OAS2: variants seen among roughly 807,000 people sequenced by gnomAD.
The protein encoded by OAS2 is 2'-5'-oligoadenylate synthase 2.
Under a neutral mutation model 71.3 loss-of-function variants are expected in OAS2, and 67 were observed. The observed-to-expected ratio is 0.94, with a 90% CI of 0.77 to 1.15. The LOEUF (loss-of-function observed/expected upper bound fraction) is 1.15, where lower values mean the gene tolerates loss of function less well. Ranked by LOEUF, OAS2 falls within the 50% of genes most tolerant of loss-of-function variation. The pLI, the probability that OAS2 is intolerant of heterozygous loss-of-function variation, is 0.00. For missense variants in OAS2, 789 were observed against 822.5 expected, an observed-to-expected ratio of 0.96 and a Z score of 0.50; for synonymous variants, 327 against 321.8, an observed-to-expected ratio of 1.02 and a Z score of -0.17.
chr12:113,008,345 C>T (rs988278114), intron 9 of OAS2, among the ~76,000 whole-genome samples: 1 of 151,198 alleles, frequency 6.6e-6, no homozygotes, highest in East Asian at 1.9e-4. Flanking sequence ...CAGCAAGGGA[C>T]AAAAACAATG....
Position 112,978,796 on chromosome 12 carries a change from G to A in OAS2, c.177+11G>A. On this transcript the variant is annotated intron_variant, in intron 1 of 9. Transcript: ENST00000392583. The surrounding 1 kb of genome is among the most constrained non-coding windows in gnomAD (Gnocchi z 4.2). ...CAGGGAGTGGCCATAGTGAGTCCAG[G>A]GCTGAGGTTGGGTCTCTGGGAGGCA... is the stretch of plus-strand genomic sequence containing the variant. 1.3e-6 allele frequency: 2 copies of A among 1,598,156 alleles called. No homozygotes were observed. The highest frequency in any genetic ancestry group is 1.7e-6 in the Non-Finnish European group (2 of 1,169,930).
chr12:112,986,794 C>T (rs1244927888), intron 1 of OAS2, among the ~76,000 whole-genome samples: 1 of 152,176 alleles, frequency 6.6e-6, no homozygotes, highest in Non-Finnish European at 1.5e-5. Context: ...GTGCTGGTGG[C>T]AGGTGGGGCA....
chr12:112,993,966 G>C (rs958677249), intron 2 of OAS2, among the ~76,000 whole-genome samples: 8 of 151,734 alleles, frequency 5.3e-5, no homozygotes, highest in Non-Finnish European at 1.2e-4. Context: ...TTTTTGTGGG[G>C]GGGGGAGGGT....
intron 1 of OAS2, among the ~76,000 whole-genome samples, chr12:112,979,999 C>A (rs897836345): frequency 6.6e-6 from 1 of 152,122 alleles, no homozygotes; most frequent in Non-Finnish European, 1.5e-5. Flanking sequence ...TGCTTTAGTG[C>A]GTGGTTTCTC....
intron 3 of OAS2, among the ~76,000 whole-genome samples, chr12:112,996,537 G>A (rs761623214): frequency 1.7e-4 from 26 of 152,000 alleles, no homozygotes; most frequent in African/African-American, 5.1e-4. Context: ...CCCACCCAGC[G>A]CAGCAAAGCC....
intron 9 of OAS2, among the ~76,000 whole-genome samples, chr12:113,008,178 C>T (rs2044351126): frequency 6.6e-6 from 1 of 152,194 alleles, no homozygotes; most frequent in Non-Finnish European, 1.5e-5. Context: ...GAGCTGCTTT[C>T]ATCTAAGAGG....
intron 3 of OAS2, among the ~76,000 whole-genome samples, 176 bp downstream of exon 3, chr12:112,995,650 G>T (rs528483499): frequency 6.6e-6 from 1 of 152,244 alleles, no homozygotes; most frequent in South Asian, 2.1e-4. Flanking sequence ...GGTGCCTCAA[G>T]CCCATTGTCC....
intron 1 of OAS2, among the ~76,000 whole-genome samples, chr12:112,979,619 T>A (rs2044061126): frequency 6.6e-6 from 1 of 152,036 alleles, no homozygotes. Context: ...GCCTCTCAAT[T>A]TTTTTTTCCT....
At chr12:112,986,707 C>T (rs937313019) in intron 1 of OAS2, among the ~76,000 whole-genome samples, 1 of 151,960 alleles carries the variant, frequency 6.6e-6, no homozygotes, top group Admixed American at 6.6e-5. Flanking sequence ...ACCCCCATTC[C>T]CCCAGATGCG....
At chr12:112,998,601 G>C (rs1009274200) in intron 5 of OAS2, among the ~76,000 whole-genome samples, 191 bp downstream of exon 5, 1 of 152,178 alleles carries the variant, frequency 6.6e-6, no homozygotes, top group Admixed American at 6.5e-5. Context: ...TTCAAAATCA[G>C]GGTGTTGGCA....
In OAS2 at chr12:113,010,565, C is replaced by G. The variant is rs1417514408; in HGVS notation, c.*1310C>G. 6.6e-5 allele frequency: 103 copies of G among 1,551,054 alleles called. No homozygotes were observed. The highest frequency in any genetic ancestry group is 8.4e-5 in the Non-Finnish European group (97 of 1,155,678). On this transcript the variant is annotated 3_prime_UTR_variant, in exon 10 of 10. Coordinates refer to ENST00000392583, the MANE Select transcript of OAS2 (RefSeq NM_002535.3). ...ACATCCATTCTTCCCTTGATGGTCC[C>G]TATTCCTCCTTCCCTTGCTTCTTGG...
At chr12:112,998,139 G>A in intron 4 of OAS2, 127 bp from the exon 5 acceptor site, 1 of 996,706 alleles carries the variant, frequency 1.0e-6, no homozygotes, top group Non-Finnish European at 1.5e-6. Flanking sequence ...TCCCTCAGCA[G>A]CTTGGAGGAG....
In OAS2 at chr12:112,998,828, G is replaced by A. The variant is rs181736592; in HGVS notation, c.1008+418G>A. Among the ~76,000 whole-genome samples, 703 of 152,220 alleles carry A rather than the reference G, an allele frequency of 4.6e-3. 4 individuals carry two copies. Among genetic ancestry groups the A allele is most frequent in the African/African-American group, 0.016 (661 of 41,512 alleles). On this transcript the variant is annotated intron_variant, in intron 5 of 9. Transcript: ENST00000392583. ...TAAGAACAACAGTCATACTGAATTA[G>A]GGCCCAACATAATGACCTAATCTTC...
At chr12:112,997,235 A>G (rs893942376) in intron 3 of OAS2, among the ~76,000 whole-genome samples, 5 of 152,032 alleles carry the variant, frequency 3.3e-5, no homozygotes, top group African/African-American at 1.2e-4. Context: ...TTTCAAGGCT[A>G]GTAAGGTGCC....
In OAS2 at chr12:113,006,584, A is replaced by G; in HGVS notation, c.1640A>G (p.Lys547Arg). The change falls in exon 8 of 10, where the codon AAG becomes AGG. Residue 547 changes from lysine (K) to arginine (R), a missense_variant. Physicochemically the swap from Lys to Arg is conservative, Grantham distance 26 (BLOSUM62 2). Coordinates refer to ENST00000392583, the MANE Select transcript of OAS2 (RefSeq NM_002535.3). Reference protein sequence around the residue: ...TKLKDLIRLVKHWYKECERKL... With the variant: ...TKLKDLIRLVRHWYKECERKL... ...CTAAAGGATTTAATTCGCCTGGTGA[A>G]GCACTGGTACAAAGAGGTAAGGACA... is the stretch of plus-strand genomic sequence containing the variant. 3 of 1,606,532 alleles carry G rather than the reference A, an allele frequency of 1.9e-6. No individual in the cohort carries two copies. The highest frequency in any genetic ancestry group is 2.6e-6 in the Non-Finnish European group (3 of 1,174,206).
rs755316801 is a variant in OAS2 at position 112,987,214 on chromosome 12, C to T, written c.354C>T (p.Phe118=). 2.6e-5 allele frequency: 42 copies of T among 1,614,044 alleles called. No homozygotes were observed. Among genetic ancestry groups the T allele is most frequent in the Admixed American group, 1.5e-4 (9 of 60,002 alleles). Residue 118 remains phenylalanine (F), a synonymous_variant, in exon 2 of 10, where the codon TTC becomes TTT. Transcript: ENST00000392583. ...CLFTKWLKNN[F]EIQKSLDGFT... is the part of the protein sequence containing the mutation. ...TCACGAAGTGGTTGAAAAACAATTT[C>T]GAGATCCAGAAGTCCCTTGATGGGT...
intron 2 of OAS2, among the ~76,000 whole-genome samples, chr12:112,989,965 C>T (rs574221415): frequency 6.6e-6 from 1 of 152,310 alleles, no homozygotes; most frequent in African/African-American, 2.4e-5. Context: ...TCCCTTCCCA[C>T]TGCTACTTCC....
At chr12:112,979,524 T>C (rs1357969520) in intron 1 of OAS2, among the ~76,000 whole-genome samples, 1 of 152,194 alleles carries the variant, frequency 6.6e-6, no homozygotes, top group East Asian at 1.9e-4. Context: ...TAAGGCAAGT[T>C]TGGTTAATAG....
At position 113,010,726 on chromosome 12, in the gene OAS2, A is replaced by AT. The variant is rs912877350; in HGVS notation, c.*1479dup. The AT allele has an allele frequency of 1.1e-4, 37 of 334,708 alleles. No individual in the cohort carries two copies. Among genetic ancestry groups the AT allele is most frequent in the Admixed American group, 8.6e-4 (17 of 19,836 alleles). 20.7% of individuals were successfully genotyped at this position (334,708 alleles called of 1,614,324 possible). A position where few individuals can be genotyped will look rare whatever the true frequency, so the allele number is the denominator to read the frequency against. ...GTGCATCTTATTTCTGTCAACTTGT[A>AT]TTTTTTTTCTTGTATTTTTCCAATT... is the stretch of plus-strand genomic sequence containing the variant. On this transcript the variant is annotated 3_prime_UTR_variant, in exon 10 of 10. Transcript: ENST00000392583.
Sources: gnomAD v4.1 joint callset for allele counts (sites outside exome capture counted in the v4.1 genomes callset) on GRCh38, gnomAD v4.1.1 for gene constraint, Gnocchi (gnomAD v3.1) non-coding constraint, MANE v1.5 for transcripts, NCBI Gene and HGNC (gene_info 2026-07-23, HGNC 2026-07-21) for gene names.